Variants in ADGRL2 observed in about 807,000 individuals in gnomAD.
ADGRL2 encodes calcium-independent alpha-latrotoxin receptor 2.
ADGRL2 carries 44 observed loss-of-function variants against 157.4 expected under a neutral mutation model. That is an observed-to-expected ratio of 0.28 (90% CI 0.22 to 0.36). The LOEUF (loss-of-function observed/expected upper bound fraction) is 0.36, where lower values mean the gene tolerates loss of function less well. ADGRL2 is among the 10% of genes least tolerant of loss of function. ADGRL2 has a pLI of 1.00. For synonymous variants in ADGRL2, 585 were observed against 624.7 expected (o/e 0.94, Z 0.95); for missense variants, 1,510 against 1,768.9 (o/e 0.85, Z 2.63).
intron 1 of ADGRL2, among the ~76,000 whole-genome samples, chr1:81,310,965 G>A (rs976468994): frequency 3.9e-5 from 6 of 151,938 alleles, no homozygotes; most frequent in African/African-American, 1.4e-4. Context: ...TTTGAAGAAC[G>A]TGTCCCTCAT....
chr1:81,470,144 G>C (rs1248262458), intron 2 of ADGRL2, among the ~76,000 whole-genome samples: 1 of 152,124 alleles, frequency 6.6e-6, no homozygotes, highest in Non-Finnish European at 1.5e-5. Context: ...ATCTGGTACT[G>C]CATCAGAATC....
intron 2 of ADGRL2, among the ~76,000 whole-genome samples, chr1:81,539,110 A>G (rs1290116490): frequency 1.3e-5 from 2 of 152,126 alleles, no homozygotes; most frequent in Admixed American, 1.3e-4. Flanking sequence ...TGTGAAACAG[A>G]ATTAGGTGTG....
intron 1 of ADGRL2, among the ~76,000 whole-genome samples, chr1:81,443,580 C>A (rs989806711): frequency 1.3e-5 from 2 of 152,142 alleles, no homozygotes; most frequent in Non-Finnish European, 2.9e-5. Flanking sequence ...CAGCCACCTA[C>A]ACACTACTTA....
intron 3 of ADGRL2, among the ~76,000 whole-genome samples, chr1:81,613,322 G>C (rs2081579911): frequency 2.0e-5 from 3 of 152,178 alleles, no homozygotes; most frequent in Non-Finnish European, 4.4e-5. Flanking sequence ...TGTTAGAAGT[G>C]GCCAGTGGGT....
intron 19 of ADGRL2, among the ~76,000 whole-genome samples, chr1:81,982,857 A>C (rs533083365): frequency 6.6e-6 from 1 of 152,106 alleles, no homozygotes; most frequent in Non-Finnish European, 1.5e-5. Context: ...GGAAGGTATT[A>C]TTTGGATAAA....
At chr1:81,332,345 T>G (rs1661332498) in intron 1 of ADGRL2, among the ~76,000 whole-genome samples, 1 of 152,186 alleles carries the variant, frequency 6.6e-6, no homozygotes, top group African/African-American at 2.4e-5. Context: ...ATTTTATTAT[T>G]AGTATATTTG....
chr1:81,354,029 G>T (rs941849082), intron 1 of ADGRL2, among the ~76,000 whole-genome samples: 7 of 152,114 alleles, frequency 4.6e-5, no homozygotes, highest in Admixed American at 3.3e-4. Flanking sequence ...AAAAGGGAGA[G>T]TAACAGCACC....
chr1:81,831,288 G>C (rs1314584788), intron 1 of ADGRL2, among the ~76,000 whole-genome samples: 2 of 152,110 alleles, frequency 1.3e-5, no homozygotes, highest in Non-Finnish European at 2.9e-5. Flanking sequence ...AGGCACTTTA[G>C]TAATATAAAT....
At chr1:81,450,415 T>C (rs751061328) in intron 2 of ADGRL2, among the ~76,000 whole-genome samples, 6 of 152,112 alleles carry the variant, frequency 3.9e-5, no homozygotes, top group African/African-American at 1.4e-4. Context: ...AAAGTTCATA[T>C]TAGAAGAAAG....
chr1:81,547,919 T>C (rs1235132228), intron 2 of ADGRL2, among the ~76,000 whole-genome samples: 1 of 152,236 alleles, frequency 6.6e-6, no homozygotes, highest in Admixed American at 6.5e-5. Context: ...AGCTTCTTAC[T>C]ATGTCAGATA....
intron 1 of ADGRL2, among the ~76,000 whole-genome samples, chr1:81,833,079 G>T (rs1388616589): frequency 6.6e-6 from 1 of 152,092 alleles, no homozygotes; most frequent in Admixed American, 6.5e-5. Flanking sequence ...GTAAAATACA[G>T]AAAAGCGGCT....
chr1:81,561,889 G>T (rs866449075), intron 2 of ADGRL2, among the ~76,000 whole-genome samples: 1 of 152,114 alleles, frequency 6.6e-6, no homozygotes, highest in Non-Finnish European at 1.5e-5. Flanking sequence ...GCTTAGAAGA[G>T]CAAGATTCTG....
At chr1:81,882,734 T>G (rs1321301258) in intron 2 of ADGRL2, among the ~76,000 whole-genome samples, 2 of 152,218 alleles carry the variant, frequency 1.3e-5, no homozygotes, top group Non-Finnish European at 2.9e-5. Context: ...GAAATAGCCC[T>G]CAAATAATTT....
intron 1 of ADGRL2, among the ~76,000 whole-genome samples, chr1:81,363,010 T>C (rs2076004895): frequency 6.6e-6 from 1 of 152,058 alleles, no homozygotes; most frequent in African/African-American, 2.4e-5. Context: ...GTATTCACCA[T>C]AAATAATTAT....
At chr1:81,682,970 T>G (rs927182537) in intron 3 of ADGRL2, among the ~76,000 whole-genome samples, 2 of 152,100 alleles carry the variant, frequency 1.3e-5, no homozygotes, top group Non-Finnish European at 2.9e-5. Flanking sequence ...CTGTCTCTAC[T>G]AAAAATACAA....
At chr1:81,361,178 C>T (rs777436973) in intron 1 of ADGRL2, among the ~76,000 whole-genome samples, 2 of 151,916 alleles carry the variant, frequency 1.3e-5, no homozygotes, top group Non-Finnish European at 2.9e-5. Context: ...ATTCACTGGG[C>T]TACATTCTCA....
At chr1:81,380,638 T>A (rs1170216814) in intron 1 of ADGRL2, among the ~76,000 whole-genome samples, 1 of 152,218 alleles carries the variant, frequency 6.6e-6, no homozygotes, top group South Asian at 2.1e-4. Context: ...CTCTCTATTT[T>A]CCTGACTTAC....
intron 2 of ADGRL2, among the ~76,000 whole-genome samples, chr1:81,885,873 C>T (rs952461781): frequency 1.3e-5 from 2 of 152,164 alleles, no homozygotes; most frequent in African/African-American, 4.8e-5. Flanking sequence ...CTGAAATAAT[C>T]TCAAACTGAT....
upstream of ADGRL2, among the ~76,000 whole-genome samples, chr1:81,698,753 C>A (rs2083497004): frequency 6.6e-6 from 1 of 152,116 alleles, no homozygotes; most frequent in Non-Finnish European, 1.5e-5. Context: ...ATTTTTTATA[C>A]TTTGTTTTGA....
Sources: gnomAD v4.1 joint callset for allele counts (sites outside exome capture counted in the v4.1 genomes callset) on GRCh38, gnomAD v4.1.1 for gene constraint, MANE v1.5 for transcripts, NCBI Gene and HGNC (gene_info 2026-07-23, HGNC 2026-07-21) for gene names.